The following RPS6KA2 variants were observed in gnomAD, a reference collection of about 807,000 sequenced individuals.
RPS6KA2 encodes ribosomal protein S6 kinase alpha-2.
Under a neutral mutation model 91.8 loss-of-function variants are expected in RPS6KA2, and 42 were observed. The ratio of observed to expected loss-of-function variants is 0.46; its 90% CI spans 0.36 to 0.59. The LOEUF is 0.59. RPS6KA2 is among the 20% of genes least tolerant of loss of function. The pLI is 0.00. For synonymous variants in RPS6KA2, 414 were observed against 393.6 expected (o/e 1.05, Z -0.61); for missense variants, 798 against 978.5 (o/e 0.82, Z 2.46).
upstream of RPS6KA2, among the ~76,000 whole-genome samples, chr6:166,629,445 A>C (rs773285668): frequency 1.3e-5 from 2 of 152,244 alleles, no homozygotes; most frequent in African/African-American, 4.8e-5. Flanking sequence ...AGGGAAAATC[A>C]TTCAGATTTC....
intron 1 of RPS6KA2, among the ~76,000 whole-genome samples, chr6:166,581,863 G>C: frequency 6.9e-6 from 1 of 143,948 alleles, no homozygotes; most frequent in African/African-American, 2.6e-5. Context: ...TCGGCAGGTG[G>C]GCTGGGCAGG....
At chr6:166,488,518 T>C (rs1464494207) in intron 10 of RPS6KA2, among the ~76,000 whole-genome samples, 1 of 152,258 alleles carries the variant, frequency 6.6e-6, no homozygotes, top group African/African-American at 2.4e-5. Flanking sequence ...GGTTCTGTCC[T>C]TAGCTTAGAG....
intron 11 of RPS6KA2, among the ~76,000 whole-genome samples, chr6:166,469,326 G>GTCT (rs373623483): frequency 3.6e-5 from 5 of 137,782 alleles, no homozygotes; most frequent in African/African-American, 1.4e-4. Context: ...CGGCACTGTT[G>GTCT]TTTTTTTTTT....
At chr6:166,519,965 A>T (rs1782794237) in intron 3 of RPS6KA2, among the ~76,000 whole-genome samples, 1 of 152,194 alleles carries the variant, frequency 6.6e-6, no homozygotes, top group African/African-American at 2.4e-5. Context: ...TTTCTGGAAG[A>T]TATCAACATT....
intron 2 of RPS6KA2, among the ~76,000 whole-genome samples, chr6:166,831,181 C>G (rs1380415854): frequency 6.6e-6 from 1 of 152,148 alleles, no homozygotes; most frequent in Non-Finnish European, 1.5e-5. Flanking sequence ...TCCCTGCCCC[C>G]ACCTCCTCCT....
chr6:166,842,085 G>A (rs1025547958), intron 2 of RPS6KA2, among the ~76,000 whole-genome samples: 8 of 152,100 alleles, frequency 5.3e-5, no homozygotes, highest in Admixed American at 1.3e-4. Context: ...TCAGGTCAGC[G>A]TGCAACTCAT....
chr6:166,809,026 C>T (rs565847773), intron 2 of RPS6KA2, among the ~76,000 whole-genome samples: 2 of 152,254 alleles, frequency 1.3e-5, no homozygotes, highest in South Asian at 4.1e-4. Flanking sequence ...GGTGCAAAAA[C>T]AGACAATAGA....
At chr6:166,556,765 G>A (rs569992380) in intron 1 of RPS6KA2, among the ~76,000 whole-genome samples, 33 of 152,300 alleles carry the variant, frequency 2.2e-4, no homozygotes, top group Admixed American at 1.2e-3. Flanking sequence ...TGAATCGGGC[G>A]TCGTTATTCT....
intron 2 of RPS6KA2, among the ~76,000 whole-genome samples, chr6:166,808,907 C>G (rs1037256308): frequency 5.9e-5 from 9 of 152,216 alleles, no homozygotes. Context: ...CCAGAAGTAG[C>G]CTAATTAACT....
At chr6:166,848,418 C>T (rs1780658675) in intron 2 of RPS6KA2, among the ~76,000 whole-genome samples, 1 of 152,118 alleles carries the variant, frequency 6.6e-6, no homozygotes, top group African/African-American at 2.4e-5. Context: ...GGTACCTACC[C>T]AGAGGAAAAG....
At chr6:166,496,484 CT>C (rs1209537074) in intron 8 of RPS6KA2, among the ~76,000 whole-genome samples, 1 of 151,842 alleles carries the variant, frequency 6.6e-6, no homozygotes, top group Non-Finnish European at 1.5e-5. Flanking sequence ...TCCCCTCCCC[CT>C]GTCCCCCCAG....
rs778556848 is a variant in RPS6KA2 at position 166,469,900 on chromosome 6, C to T, written c.913G>A (p.Gly305Ser). ...KRNPCNRLGAGIDGVEEIKRH... is the reference protein window; with the variant it reads ...KRNPCNRLGASIDGVEEIKRH... The stretch of plus-strand genomic sequence containing the variant: ...TTAATTTCCTCCACTCCGTCAATGC[C>T]AGCACCTGTCAACAACACAGAAATG... The change falls in exon 11 of 21, where the codon GGC becomes AGC. Residue 305 changes from glycine to serine, a missense_variant. Physicochemically the swap from Gly to Ser is moderately conservative, Grantham distance 56. Coordinates refer to ENST00000265678, the MANE Select transcript of RPS6KA2 (RefSeq NM_021135.6). 4.3e-6 allele frequency: 7 copies of T among 1,613,768 alleles called. No homozygotes were observed. Among genetic ancestry groups the T allele is most frequent in the African/African-American group, 1.3e-5 (1 of 74,930 alleles).
intron 2 of RPS6KA2, among the ~76,000 whole-genome samples, chr6:166,731,486 C>CA (rs1790516701): frequency 1.3e-5 from 2 of 152,050 alleles, no homozygotes; most frequent in Non-Finnish European, 2.9e-5. Context: ...ACTTGTGAGA[C>CA]AAAGTAACAA....
chr6:166,784,849 A>G (rs1194638558), intron 2 of RPS6KA2, among the ~76,000 whole-genome samples: 1 of 152,102 alleles, frequency 6.6e-6, no homozygotes, highest in Admixed American at 6.5e-5. Flanking sequence ...GAGTAAATTT[A>G]TGAATAAGTT....
At chr6:166,790,513 T>C (rs374108248) in intron 2 of RPS6KA2, among the ~76,000 whole-genome samples, 2 of 151,872 alleles carry the variant, frequency 1.3e-5, no homozygotes, top group Admixed American at 1.3e-4. Context: ...ATACAGAGAA[T>C]GCCACAAAGA....
At chr6:166,794,819 C>G (rs1327616418) in intron 2 of RPS6KA2, among the ~76,000 whole-genome samples, 1 of 140,742 alleles carries the variant, frequency 7.1e-6, no homozygotes, top group Non-Finnish European at 1.5e-5. Flanking sequence ...AACACATGGA[C>G]ACAGGAAGGG....
At chr6:166,436,575 A>G (rs1280449847) in intron 14 of RPS6KA2, among the ~76,000 whole-genome samples, 1 of 152,152 alleles carries the variant, frequency 6.6e-6, no homozygotes, top group Non-Finnish European at 1.5e-5. Flanking sequence ...TCGGCCCGAC[A>G]CTTCTCTTCC....
chr6:166,602,703 T>G (rs1180515839), intron 1 of RPS6KA2, among the ~76,000 whole-genome samples: 3 of 151,528 alleles, frequency 2.0e-5, no homozygotes, highest in Non-Finnish European at 4.4e-5. Context: ...TATACAGGAG[T>G]GGTAGACCTC....
chr6:166,538,476 C>T (rs752379122), intron 2 of RPS6KA2, among the ~76,000 whole-genome samples, 192 bp downstream of exon 2: 1 of 152,146 alleles, frequency 6.6e-6, no homozygotes, highest in South Asian at 2.1e-4. Context: ...TTGTTCTCAC[C>T]TGGCACAGCC....
Sources: allele counts gnomAD v4.1 joint callset (sites outside exome capture counted in the v4.1 genomes callset), GRCh38; gene constraint gnomAD v4.1.1; transcripts MANE v1.5; gene names NCBI Gene and HGNC (gene_info 2026-07-23, HGNC 2026-07-21).